NEK11: variants seen among roughly 807,000 people sequenced by gnomAD.
The protein encoded by NEK11 is NIMA related kinase 11.
NEK11 carries 72 observed loss-of-function variants against 80.7 expected under a neutral mutation model. That is an observed-to-expected ratio of 0.89 (90% CI 0.74 to 1.08). NEK11 has a LOEUF of 1.08. NEK11 is among the 50% of genes least tolerant of loss of function. The probability of loss-of-function intolerance (pLI) is 0.00; values close to 1 mark genes in which losing one functional copy is unlikely to be tolerated. For missense variants in NEK11, 764 were observed against 763.6 expected (o/e 1.00, Z -0.01); for synonymous variants, 251 against 260.7 (o/e 0.96, Z 0.36).
intron 14 of NEK11, among the ~76,000 whole-genome samples, chr3:131,192,561 T>C (rs1446729380): frequency 1.3e-5 from 2 of 152,102 alleles, no homozygotes; most frequent in Non-Finnish European, 2.9e-5. Context: ...GATGAATGGA[T>C]AAACAAAGTA....
intron 5 of NEK11, among the ~76,000 whole-genome samples, chr3:131,123,626 T>G (rs2082771068): frequency 6.6e-6 from 1 of 152,114 alleles, no homozygotes; most frequent in Admixed American, 6.6e-5. Context: ...GAGTTACTAA[T>G]TTATATATTT....
intron 5 of NEK11, 147 bp downstream of exon 5, chr3:131,110,068 G>A: frequency 1.3e-6 from 1 of 785,474 alleles, no homozygotes; most frequent in South Asian, 2.2e-5. Context: ...GTTTTTCCTT[G>A]AGAAAACTGT....
At chr3:131,241,791 T>C (rs1213104974) in intron 15 of NEK11, among the ~76,000 whole-genome samples, 1 of 152,126 alleles carries the variant, frequency 6.6e-6, no homozygotes, top group Non-Finnish European at 1.5e-5. Flanking sequence ...ACATATATAG[T>C]ATGATCTGAA....
At chr3:131,086,999 T>G (rs1254300512) in intron 4 of NEK11, among the ~76,000 whole-genome samples, 2 of 152,118 alleles carry the variant, frequency 1.3e-5, no homozygotes, top group Admixed American at 6.5e-5. Flanking sequence ...ATAACATATA[T>G]TTTGTTTTTA....
At chr3:131,099,149 A>C (rs1281812420) in intron 4 of NEK11, among the ~76,000 whole-genome samples, 1 of 152,190 alleles carries the variant, frequency 6.6e-6, no homozygotes, top group Non-Finnish European at 1.5e-5. Context: ...TAATTTTTGT[A>C]TGTGGTAAAA....
intron 14 of NEK11, among the ~76,000 whole-genome samples, chr3:131,183,175 T>A (rs1367088093): frequency 1.3e-5 from 2 of 152,120 alleles, no homozygotes; most frequent in South Asian, 2.1e-4. Context: ...TTAGAAAAAA[T>A]TTTAAAATGT....
chr3:131,337,371 C>A (rs200503983), intron 17 of NEK11, among the ~76,000 whole-genome samples: 19,428 of 151,204 alleles, frequency 0.13, 1,840 homozygotes, highest in East Asian at 0.3. Flanking sequence ...AACGACAAAA[C>A]ACCAAACACC....
intron 16 of NEK11, among the ~76,000 whole-genome samples, chr3:131,272,133 T>C (rs554066933): frequency 6.6e-6 from 1 of 152,196 alleles, no homozygotes; most frequent in South Asian, 2.1e-4. Flanking sequence ...TTTACTAATA[T>C]GTAAAATGGG....
chr3:131,232,771 TGTTA>T (rs1467611567), intron 15 of NEK11, among the ~76,000 whole-genome samples: 4 of 152,318 alleles, frequency 2.6e-5, no homozygotes, highest in African/African-American at 9.6e-5. Context: ...GAGTTCCTGC[TGTTA>T]GTTGAGTCAT....
chr3:131,058,472 A>G (rs2070107219), intron 3 of NEK11, among the ~76,000 whole-genome samples: 1 of 152,102 alleles, frequency 6.6e-6, no homozygotes, highest in South Asian at 2.1e-4. Flanking sequence ...CTAGTTTTAG[A>G]GAGAGCGATA....
chr3:131,116,132 C>T (rs1007891092), intron 5 of NEK11, among the ~76,000 whole-genome samples: 1 of 151,932 alleles, frequency 6.6e-6, no homozygotes, highest in South Asian at 2.1e-4. Context: ...GCCTTCCCCC[C>T]ACCCCATGAC....
chr3:131,302,017 C>T (rs1267309020), intron 17 of NEK11, among the ~76,000 whole-genome samples: 1 of 152,034 alleles, frequency 6.6e-6, no homozygotes, highest in Non-Finnish European at 1.5e-5. Context: ...CTTTTTATCA[C>T]TGATTCAGTT....
At chr3:131,124,191 A>G (rs2082885404) in intron 5 of NEK11, among the ~76,000 whole-genome samples, 1 of 152,182 alleles carries the variant, frequency 6.6e-6, no homozygotes, top group Non-Finnish European at 1.5e-5. Context: ...AGTATTTCCT[A>G]CAAGATTCCA....
At chr3:131,044,449 G>T (rs55933914) in intron 3 of NEK11, among the ~76,000 whole-genome samples, 22,347 of 138,700 alleles carry the variant, frequency 0.16, 2,082 homozygotes, top group Non-Finnish European at 0.2. Flanking sequence ...AAAAAGGTGG[G>T]GGGGGGGGTT....
intron 15 of NEK11, among the ~76,000 whole-genome samples, chr3:131,239,058 C>T (rs1216671855): frequency 2.0e-5 from 3 of 151,796 alleles, no homozygotes; most frequent in Non-Finnish European, 4.4e-5. Context: ...TGCTTGTGGA[C>T]AGTGCCTGGC....
chr3:131,228,445 C>T, intron 14 of NEK11, 83 bp from the exon 15 acceptor site: 3 of 1,240,138 alleles, frequency 2.4e-6, no homozygotes, highest in Non-Finnish European at 2.2e-6. Context: ...GCAAAATATA[C>T]ATCCCTGTGA....
chr3:131,080,094 G>A (rs1444957647), intron 3 of NEK11, among the ~76,000 whole-genome samples: 2 of 151,808 alleles, frequency 1.3e-5, no homozygotes, highest in African/African-American at 4.8e-5. Context: ...GAGACAGACA[G>A]AAATAGATAA....
intron 13 of NEK11, among the ~76,000 whole-genome samples, chr3:131,169,623 A>C (rs2092541536): frequency 6.6e-6 from 1 of 152,192 alleles, no homozygotes; most frequent in South Asian, 2.1e-4. Flanking sequence ...CCTGTGGCAT[A>C]TACAGTTTTG....
intron 17 of NEK11, among the ~76,000 whole-genome samples, chr3:131,277,804 C>T (rs1197802000): frequency 6.6e-6 from 1 of 152,192 alleles, no homozygotes; most frequent in African/African-American, 2.4e-5. Flanking sequence ...ACTCTTTGGG[C>T]CTCAGATTTC....
Sources: gnomAD v4.1 joint callset for allele counts (sites outside exome capture counted in the v4.1 genomes callset) on GRCh38, gnomAD v4.1.1 for gene constraint, MANE v1.5 for transcripts, NCBI Gene and HGNC (gene_info 2026-07-23, HGNC 2026-07-21) for gene names.